CLCA4: variants seen among roughly 807,000 people sequenced by gnomAD.
CLCA4 encodes chloride channel accessory 4, also known as calcium-activated chloride channel regulator 4.
Under a neutral mutation model 78.9 loss-of-function variants are expected in CLCA4, and 69 were observed. The ratio of observed to expected loss-of-function variants is 0.87; its 90% CI spans 0.72 to 1.07. The LOEUF is 1.07. Among genes scored for constraint, CLCA4 ranks in the 50% least tolerant of loss-of-function variants. The probability of loss-of-function intolerance (pLI) is 0.00; values close to 1 mark genes in which losing one functional copy is unlikely to be tolerated. For synonymous variants in CLCA4, 362 were observed against 375.8 expected, an observed-to-expected ratio of 0.96 and a Z score of 0.42; for missense variants, 1,133 against 1,095.8, an observed-to-expected ratio of 1.03 and a Z score of -0.48.
chr1:86,574,369 C>T (rs1043270319), intron 9 of CLCA4, among the ~76,000 whole-genome samples, 171 bp from the exon 10 acceptor site: 2 of 152,064 alleles, frequency 1.3e-5, no homozygotes, highest in African/African-American at 2.4e-5. Flanking sequence ...CTTACTTCCT[C>T]ACTTTTTAAT....
chr1:86,567,827 A>C (rs1052400671), intron 7 of CLCA4, among the ~76,000 whole-genome samples, 176 bp downstream of exon 7: 1 of 152,046 alleles, frequency 6.6e-6, no homozygotes, highest in Non-Finnish European at 1.5e-5. Flanking sequence ...TCAGTGAATC[A>C]ATGAACAACC....
chr1:86,576,991 T>C (rs1017874913), intron 11 of CLCA4, among the ~76,000 whole-genome samples: 2 of 152,112 alleles, frequency 1.3e-5, no homozygotes, highest in African/African-American at 2.4e-5. Flanking sequence ...TATTTTGCAA[T>C]GTAACTTATT....
At position 86,558,048 on chromosome 1, in the gene CLCA4, T is replaced by A. The variant is rs950838442; in HGVS notation, c.160-1884T>A. Among the ~76,000 whole-genome samples the A allele has an allele frequency of 2.0e-5, 3 of 152,284 alleles. No individual in the cohort carries two copies. The East Asian group carries it at 5.8e-4, about 29-fold the overall frequency. ...CTGCTTTGCATTTGCTTGGTAGGTTTTCTCCATCTTTTTATTTTGAGCCTA... is the reference window on the plus strand; with the variant it reads ...CTGCTTTGCATTTGCTTGGTAGGTTATCTCCATCTTTTTATTTTGAGCCTA... On this transcript the variant is annotated intron_variant, in intron 1 of 13. Transcript: ENST00000370563.
At chr1:86,556,063 AC>A (rs1649831731) in intron 1 of CLCA4, among the ~76,000 whole-genome samples, 1 of 152,190 alleles carries the variant, frequency 6.6e-6, no homozygotes, top group African/African-American at 2.4e-5. Flanking sequence ...GTATGCTGAA[AC>A]TTTGCTGAAG....
chr1:86,566,068 C>A, intron 6 of CLCA4, 48 bp downstream of exon 6: 1 of 1,502,740 alleles, frequency 6.7e-7, no homozygotes, highest in Non-Finnish European at 9.2e-7. Context: ...TTTGAAGATC[C>A]GAGAACACAC....
At chr1:86,578,566 C>T (rs1650603519) in intron 12 of CLCA4, among the ~76,000 whole-genome samples, 1 of 152,040 alleles carries the variant, frequency 6.6e-6, no homozygotes, top group African/African-American at 2.4e-5. Context: ...TTTTGGTTTT[C>T]TGTTCCTGCA....
intron 11 of CLCA4, among the ~76,000 whole-genome samples, chr1:86,577,180 T>C (rs1650545866): frequency 6.6e-6 from 1 of 152,118 alleles, no homozygotes; most frequent in African/African-American, 2.4e-5. Context: ...ATATGCACCA[T>C]GTTTCCCTTC....
chr1:86,547,128 A>G lies in CLCA4; in HGVS notation c.9A>G (p.Leu3=). Residue 3 remains leucine (L), a synonymous_variant, in exon 1 of 14, where the codon TTA becomes TTG. Coordinates refer to ENST00000370563, the MANE Select transcript of CLCA4 (RefSeq NM_012128.4). Reference sequence around the variant, plus strand: ...ATAACTAGAGAGGAACAATGGGGTTATTCAGAGGTTTTGTTTTCCTCTTAG... The same window carrying G: ...ATAACTAGAGAGGAACAATGGGGTTGTTCAGAGGTTTTGTTTTCCTCTTAG... MG[L]FRGFVFLLVL... is the part of the protein sequence containing the mutation. The G allele has an allele frequency of 6.2e-7, 1 of 1,605,102 alleles. No homozygotes were observed. The highest frequency in any genetic ancestry group is 1.7e-5 in the Admixed American group (1 of 57,508).
Position 86,548,436 on chromosome 1 carries a change from A to C in CLCA4, c.159+1158A>C, listed in dbSNP as rs571321373. On this transcript the variant is annotated intron_variant, in intron 1 of 13. Coordinates refer to ENST00000370563, the MANE Select transcript of CLCA4 (RefSeq NM_012128.4). ...TGGCTCTCATGCCTGTAATCTGAAC[A>C]CTTTGGGAGGCCGAGGAGGGCAGAT... is the stretch of plus-strand genomic sequence containing the variant. Among the ~76,000 whole-genome samples, 4 of 152,152 alleles carry C rather than the reference A, an allele frequency of 2.6e-5. No homozygotes were observed. The East Asian group carries it at 7.7e-4, about 29-fold the overall frequency.
At chr1:86,579,247 T>A in intron 12 of CLCA4, 107 bp from the exon 13 acceptor site, 1 of 806,740 alleles carries the variant, frequency 1.2e-6, no homozygotes, top group Non-Finnish European at 2.0e-6. Flanking sequence ...AAAATGTGAC[T>A]GTATATATTT....
At chr1:86,553,046 A>G in intron 1 of CLCA4, 1 of 650,640 alleles carries the variant, frequency 1.5e-6, no homozygotes, top group East Asian at 2.6e-5. Context: ...GCCGCGCGGC[A>G]CAGAATCTCC....
At chr1:86,577,713 C>T (rs1417494258) in intron 11 of CLCA4, among the ~76,000 whole-genome samples, 189 bp from the exon 12 acceptor site, 1 of 151,898 alleles carries the variant, frequency 6.6e-6, no homozygotes, top group Non-Finnish European at 1.5e-5. Context: ...TAATAGATAT[C>T]GAAATAGCTC....
rs1649528303 is a variant in CLCA4, at chr1:86,547,177, A to G, written c.58A>G (p.Asn20Asp). 11 of 1,612,496 alleles carry G rather than the reference A, an allele frequency of 6.8e-6. No homozygotes were observed. Among genetic ancestry groups the G allele is most frequent in the Non-Finnish European group, 7.6e-6 (9 of 1,179,464 alleles). ...AGTTCTGTGCCTGCTGCACCAGTCA[A>G]ATACTTCCTTCATTAAGCTGAATAA... The part of the protein sequence containing the change: ...LLVLCLLHQS[N>D]TSFIKLNNNG... The change falls in exon 1 of 14, where the codon AAT (asparagine) becomes GAT (aspartate). Residue 20 changes from asparagine (N) to aspartate (D), a missense_variant. Coordinates refer to ENST00000370563, the MANE Select transcript of CLCA4 (RefSeq NM_012128.4).
At chr1:86,577,808 A>T in intron 11 of CLCA4, 94 bp from the exon 12 acceptor site, 1 of 900,638 alleles carries the variant, frequency 1.1e-6, no homozygotes, top group East Asian at 2.5e-5. Flanking sequence ...TATTAAGCCT[A>T]ATCTAGAGGA....
chr1:86,552,879 C>A lies in CLCA4; in HGVS notation c.159+5601C>A, dbSNP rs1649708668. On this transcript the variant is annotated intron_variant, in intron 1 of 13. Coordinates refer to ENST00000370563, the MANE Select transcript of CLCA4 (RefSeq NM_012128.4). ...CTGATCGAGTGATTTGCGAAAGCTTCCTCTGTTTTCTTGAGGGCCATCCAT... is the reference window on the plus strand; with the variant it reads ...CTGATCGAGTGATTTGCGAAAGCTTACTCTGTTTTCTTGAGGGCCATCCAT... 4.2e-6 allele frequency: 3 copies of A among 714,586 alleles called. No homozygotes were observed. The East Asian group carries it at 7.7e-5, about 18-fold the overall frequency. 44.3% of individuals were successfully genotyped at this position (714,586 alleles called of 1,614,324 possible).
intron 7 of CLCA4, among the ~76,000 whole-genome samples, chr1:86,568,236 C>T (rs1280553809): frequency 1.3e-5 from 2 of 151,196 alleles, no homozygotes; most frequent in African/African-American, 4.9e-5. Flanking sequence ...AGTGACTTAC[C>T]TATACAATAT....
Position 86,563,751 on chromosome 1 carries a change from A to G in CLCA4, c.539A>G (p.Lys180Arg). ...CAGCCTTTCTACCGTGCTAAGTCAA[A>G]AAAAATCGAAGCAACAAGGCATGGC... ...EDQPFYRAKS[K>R]KIEATRCSAG... The change falls in exon 4 of 14, where the codon AAA becomes AGA. Residue 180 changes from lysine to arginine, a missense_variant. Lys to Arg is a conservative substitution (Grantham distance 26). Transcript: ENST00000370563. The G allele has an allele frequency of 1.2e-6, 2 of 1,604,132 alleles. No individual in the cohort carries two copies. The highest frequency in any genetic ancestry group is 1.7e-6 in the Non-Finnish European group (2 of 1,173,432).
chr1:86,573,194 A>G (rs1650405824), intron 9 of CLCA4, among the ~76,000 whole-genome samples: 1 of 151,838 alleles, frequency 6.6e-6, no homozygotes, highest in African/African-American at 2.4e-5. Context: ...GTGAATAATC[A>G]TTGTCTATCT....
At chr1:86,552,869 G>T in intron 1 of CLCA4, 1 of 725,872 alleles carries the variant, frequency 1.4e-6, no homozygotes, top group Non-Finnish European at 2.4e-6. Context: ...CGAGTGATTT[G>T]CGAAAGCTTC....
Sources: gnomAD v4.1 joint callset for allele counts (sites outside exome capture counted in the v4.1 genomes callset) on GRCh38, gnomAD v4.1.1 for gene constraint, MANE v1.5 for transcripts, NCBI Gene and HGNC (gene_info 2026-07-23, HGNC 2026-07-21) for gene names.